Variants in CCDC149 observed in about 807,000 individuals in gnomAD.
The protein encoded by CCDC149 is coiled-coil domain-containing protein 149.
CCDC149 carries 45 observed loss-of-function variants against 59.9 expected under a neutral mutation model. The ratio of observed to expected loss-of-function variants is 0.75; its 90% CI spans 0.59 to 0.96. The LOEUF (loss-of-function observed/expected upper bound fraction) is 0.96. Ranked by LOEUF, CCDC149 falls within the 40% of genes least tolerant of loss-of-function variation. The probability of loss-of-function intolerance (pLI) is 0.00; values close to 1 mark genes in which losing one functional copy is unlikely to be tolerated. For synonymous variants in CCDC149, 245 were observed against 260.6 expected, an observed-to-expected ratio of 0.94 and a Z score of 0.58; for missense variants, 584 against 664.7, an observed-to-expected ratio of 0.88 and a Z score of 1.33.
At chr4:24,879,539 G>A (rs1423468383) in intron 1 of CCDC149, among the ~76,000 whole-genome samples, 8 of 148,474 alleles carry the variant, frequency 5.4e-5, no homozygotes, top group Non-Finnish European at 1.5e-5. Context: ...AAAAAAATTA[G>A]CTGGGCATGG....
rs1046662619 is a variant in CCDC149 at position 24,822,517 on chromosome 4, G to A, written c.1022C>T (p.Ser341Phe). The A allele has an allele frequency of 2.0e-6, 3 of 1,533,582 alleles. No individual in the cohort carries two copies. The highest frequency in any genetic ancestry group is 2.1e-5 in the Admixed American group (1 of 48,058). The allele number at this position is 1,533,582 out of a possible 1,614,324, so 95.0% of individuals were successfully genotyped here. The change falls in exon 10 of 13, where the codon TCT becomes TTT. Residue 341 changes from serine (S) to phenylalanine (F), a missense_variant. Transcript: ENST00000635206. ...TTTACCTGGAAGACTCCACAAACCAGAAACTTCCAGAGTTCTTAATTTTTT... is the reference window on the plus strand; with the variant it reads ...TTTACCTGGAAGACTCCACAAACCAAAAACTTCCAGAGTTCTTAATTTTTT...
intron 1 of CCDC149, among the ~76,000 whole-genome samples, chr4:24,921,333 C>A (rs1167271500): frequency 6.6e-6 from 1 of 152,220 alleles, no homozygotes; most frequent in African/African-American, 2.4e-5. Flanking sequence ...TATCAAAATA[C>A]TTCCATACAG....
At chr4:24,822,929 TTAA>T (rs1715506353) in intron 9 of CCDC149, 1 of 164,284 alleles carries the variant, frequency 6.1e-6, no homozygotes, top group Non-Finnish European at 1.3e-5. Flanking sequence ...TTGAATACCC[TTAA>T]TAATATCACA....
At position 24,901,010 on chromosome 4, in the gene CCDC149, C is replaced by G. The variant is rs548997310; in HGVS notation, c.63+11807G>C. ...GATGGGGAGCCACCACTGAAGGTTTCCGAGTAAGAGGACATCATGAAAAAT... is the reference window on the plus strand; with the variant it reads ...GATGGGGAGCCACCACTGAAGGTTTGCGAGTAAGAGGACATCATGAAAAAT... On this transcript the variant is annotated intron_variant, in intron 1 of 12. Transcript: ENST00000635206. Among the ~76,000 whole-genome samples the G allele has an allele frequency of 2.0e-5, 3 of 152,300 alleles. No individual in the cohort carries two copies. In the East Asian group the frequency reaches 5.8e-4, roughly 29 times the overall value.
intron 2 of CCDC149, among the ~76,000 whole-genome samples, chr4:24,875,232 A>G (rs921622071): frequency 3.3e-5 from 5 of 152,062 alleles, no homozygotes; most frequent in Non-Finnish European, 5.9e-5. Flanking sequence ...CGGGAGGCTG[A>G]GGCAGGAGAA....
intron 1 of CCDC149, among the ~76,000 whole-genome samples, chr4:24,881,059 G>A (rs1031275736): frequency 2.0e-5 from 3 of 152,230 alleles, no homozygotes; most frequent in African/African-American, 7.2e-5. Context: ...CCTTGTCTAA[G>A]ACAGAGCTGG....
chr4:24,950,375 C>T (rs997088690), intron 1 of CCDC149, among the ~76,000 whole-genome samples: 9 of 152,254 alleles, frequency 5.9e-5, no homozygotes, highest in African/African-American at 2.2e-4. Flanking sequence ...CTGCAAAGCA[C>T]TTAGCACAGT....
intron 1 of CCDC149, among the ~76,000 whole-genome samples, chr4:24,898,431 C>A (rs1720971119): frequency 6.6e-6 from 1 of 152,162 alleles, no homozygotes; most frequent in East Asian, 1.9e-4. Flanking sequence ...AGCCGGGAAG[C>A]TGGCCGGGAC....
chr4:24,840,360 C>A (rs1476333635), intron 4 of CCDC149, among the ~76,000 whole-genome samples: 1 of 152,156 alleles, frequency 6.6e-6, no homozygotes, highest in East Asian at 1.9e-4. Context: ...TGGTTATAAG[C>A]GATCCTCATT....
intron 1 of CCDC149, among the ~76,000 whole-genome samples, chr4:24,971,555 C>G (rs953261338): frequency 1.3e-5 from 2 of 152,334 alleles, no homozygotes; most frequent in South Asian, 2.1e-4. Context: ...GTATAATTAC[C>G]CTGCTAATGC....
At chr4:24,863,813 C>T (rs1249039524) in intron 3 of CCDC149, among the ~76,000 whole-genome samples, 1 of 152,226 alleles carries the variant, frequency 6.6e-6, no homozygotes, top group East Asian at 1.9e-4. Context: ...CTTCCCTGCA[C>T]TTACCTATTT....
chr4:24,873,102 C>A (rs1284890631), intron 3 of CCDC149, among the ~76,000 whole-genome samples: 1 of 148,582 alleles, frequency 6.7e-6, no homozygotes, highest in Non-Finnish European at 1.5e-5. Flanking sequence ...ATGCACCCAA[C>A]AAATGGTATG....
intron 3 of CCDC149, among the ~76,000 whole-genome samples, chr4:24,866,521 T>A (rs960938993): frequency 6.6e-6 from 1 of 152,094 alleles, no homozygotes; most frequent in Non-Finnish European, 1.5e-5. Flanking sequence ...CTTTTGGTGA[T>A]CTCTCACTGC....
At chr4:24,948,094 A>G (rs1177510645) in intron 1 of CCDC149, among the ~76,000 whole-genome samples, 1 of 152,232 alleles carries the variant, frequency 6.6e-6, no homozygotes, top group Non-Finnish European at 1.5e-5. Context: ...TAGGAGTGGC[A>G]GGCAGTGGGC....
At chr4:24,919,128 T>C (rs1290205616) in intron 1 of CCDC149, among the ~76,000 whole-genome samples, 5 of 152,172 alleles carry the variant, frequency 3.3e-5, no homozygotes, top group Non-Finnish European at 7.4e-5. Flanking sequence ...GTTTCCACGA[T>C]ACAGGAAAAA....
intron 3 of CCDC149, among the ~76,000 whole-genome samples, chr4:24,857,006 A>G (rs1363970967): frequency 6.6e-6 from 1 of 152,250 alleles, no homozygotes; most frequent in Non-Finnish European, 1.5e-5. Flanking sequence ...GAGAAGATGC[A>G]GCAAAATTCA....
chr4:24,883,148 A>G (rs1459156972), intron 1 of CCDC149, among the ~76,000 whole-genome samples: 2 of 151,902 alleles, frequency 1.3e-5, no homozygotes, highest in Non-Finnish European at 2.9e-5. Flanking sequence ...ATTCCATGAC[A>G]GTGTTTTCCA....
intron 1 of CCDC149, among the ~76,000 whole-genome samples, chr4:24,880,854 G>A (rs1193842477): frequency 1.3e-5 from 2 of 152,128 alleles, no homozygotes; most frequent in Admixed American, 6.5e-5. Context: ...CCAAAAGAAC[G>A]CACACTCCCC....
chr4:24,833,230 GA>G lies in CCDC149; in HGVS notation c.821-1581del, dbSNP rs200486654. ...ACAATTTTATTTTATTTTCAAAAAT[GA>G]AAAAAAAAACCCGGCTTTTTTCACT... On this transcript the variant is annotated intron_variant, in intron 8 of 12. Coordinates refer to ENST00000635206, the MANE Select transcript of CCDC149 (RefSeq NM_001330643.2). Among the ~76,000 whole-genome samples, 131 of 143,062 alleles carry G rather than the reference GA, an allele frequency of 9.2e-4. 1 individual carries two copies. In the East Asian group the frequency reaches 0.017, roughly 19 times the overall value. The allele number at this position is 143,062 out of a possible 152,430, so 93.9% of individuals were successfully genotyped here.
Sources: gnomAD v4.1 joint callset for allele counts (sites outside exome capture counted in the v4.1 genomes callset) on GRCh38, gnomAD v4.1.1 for gene constraint, MANE v1.5 for transcripts, NCBI Gene and HGNC (gene_info 2026-07-23, HGNC 2026-07-21) for gene names.